KLHL20: variants seen among roughly 807,000 people sequenced by gnomAD.
KLHL20 encodes the protein kelch like family member 20.
Under a neutral mutation model 69.5 loss-of-function variants are expected in KLHL20, and 29 were observed. The observed-to-expected ratio is 0.42, with a 90% confidence interval of 0.31 to 0.57. The LOEUF is 0.57. Ranked by LOEUF, KLHL20 falls within the 20% of genes least tolerant of loss-of-function variation. The pLI is 0.18. For missense variants in KLHL20, 419 were observed against 776.0 expected (o/e 0.54, Z 5.47); for synonymous variants, 253 against 265.2 (o/e 0.95, Z 0.45).
rs753586088 is a variant in KLHL20 at position 173,716,007 on chromosome 1, G to A, written c.-37G>A. ...CCTGCTTTTCTGTTGTCTTAGGTTCGGCTTTAGAGTGTGGTGAAGGGTACT... is the reference window on the plus strand; with the variant it reads ...CCTGCTTTTCTGTTGTCTTAGGTTCAGCTTTAGAGTGTGGTGAAGGGTACT... On this transcript the variant is annotated 5_prime_UTR_variant, in exon 2 of 12. Coordinates refer to ENST00000209884, the MANE Select transcript of KLHL20 (RefSeq NM_014458.4). 2 of 1,606,464 alleles carry A rather than the reference G, an allele frequency of 1.2e-6. No homozygotes were observed. Among genetic ancestry groups the A allele is most frequent in the Non-Finnish European group, 1.7e-6 (2 of 1,175,550 alleles).
chr1:173,786,352 C>G lies in KLHL20; in HGVS notation c.*1105C>G, dbSNP rs923634543. Reference sequence around the variant, plus strand: ...ATAAGGTCATTGTTACTACTTCTCTCAAATTGCACTTTCTGGTAAAAAGTT... The same window carrying G: ...ATAAGGTCATTGTTACTACTTCTCTGAAATTGCACTTTCTGGTAAAAAGTT... On this transcript the variant is annotated 3_prime_UTR_variant, in exon 12 of 12. Coordinates refer to ENST00000209884, the MANE Select transcript of KLHL20 (RefSeq NM_014458.4). The G allele has an allele frequency of 1.3e-5, 2 of 152,600 alleles. No homozygotes were observed. The highest frequency in any genetic ancestry group is 2.4e-5 in the African/African-American group (1 of 41,444). The allele number at this position is 152,600 out of a possible 1,614,324, so 9.5% of individuals were successfully genotyped here.
chr1:173,748,515 T>C (rs1673168125), intron 3 of KLHL20, among the ~76,000 whole-genome samples: 1 of 152,176 alleles, frequency 6.6e-6, no homozygotes, highest in Admixed American at 6.5e-5. Flanking sequence ...TTGAAAATAA[T>C]CTAACTTCTT....
chr1:173,729,277 C>T (rs1171106591), intron 2 of KLHL20, among the ~76,000 whole-genome samples: 3 of 152,116 alleles, frequency 2.0e-5, no homozygotes, highest in Non-Finnish European at 2.9e-5. Context: ...GATTCACAGC[C>T]GAATTCTACC....
At chr1:173,732,871 AT>A (rs1308733596) in intron 2 of KLHL20, among the ~76,000 whole-genome samples, 1 of 152,206 alleles carries the variant, frequency 6.6e-6, no homozygotes, top group African/African-American at 2.4e-5. Context: ...TAGATATGAA[AT>A]TAGACCCAAA....
intron 9 of KLHL20, 152 bp downstream of exon 9, chr1:173,774,590 T>G: frequency 3.5e-5 from 25 of 711,614 alleles, no homozygotes; most frequent in Non-Finnish European, 3.9e-5. Context: ...CTCTCAGCTC[T>G]TCCTCAGCTC....
intron 10 of KLHL20, among the ~76,000 whole-genome samples, chr1:173,780,382 T>C (rs1423664812): frequency 6.6e-6 from 1 of 152,118 alleles, no homozygotes; most frequent in East Asian, 1.9e-4. Context: ...GCTTACTGCT[T>C]TGGGGAAGTA....
At chr1:173,728,038 A>C in intron 2 of KLHL20, among the ~76,000 whole-genome samples, 1 of 152,204 alleles carries the variant, frequency 6.6e-6, no homozygotes, top group Non-Finnish European at 1.5e-5. Context: ...TAGGTTCAAA[A>C]TAAAGGGATG....
At position 173,729,154 on chromosome 1, in the gene KLHL20, C is replaced by T. The variant is rs543984018; in HGVS notation, c.24-4559C>T. The stretch of plus-strand genomic sequence containing the variant: ...TGGATAAATTCCTGGACACATACAC[C>T]CTCCCTAGACTAAACCAGGAAGAAG... On this transcript the variant is annotated intron_variant, in intron 2 of 11. Coordinates refer to ENST00000209884, the MANE Select transcript of KLHL20 (RefSeq NM_014458.4). 1.4e-3 allele frequency among the ~76,000 whole-genome samples: 220 copies of T among 152,182 alleles called. 2 individuals are homozygous for T. The highest frequency in any genetic ancestry group is 5.0e-3 in the African/African-American group (209 of 41,516).
intron 3 of KLHL20, among the ~76,000 whole-genome samples, chr1:173,742,697 T>G (rs1672867559): frequency 6.6e-6 from 1 of 151,008 alleles, no homozygotes; most frequent in Non-Finnish European, 1.5e-5. Flanking sequence ...TATGTATATG[T>G]GTACATATAC....
intron 5 of KLHL20, among the ~76,000 whole-genome samples, chr1:173,754,042 T>G (rs1342137648): frequency 6.7e-6 from 1 of 149,944 alleles, no homozygotes; most frequent in Non-Finnish European, 1.5e-5. Flanking sequence ...CTTTGTAAAC[T>G]ACACTGACCT....
intron 2 of KLHL20, among the ~76,000 whole-genome samples, chr1:173,721,395 C>CTTCTT (rs1671707001): frequency 6.6e-6 from 1 of 152,188 alleles, no homozygotes; most frequent in Admixed American, 6.5e-5. Context: ...TTGCACATCT[C>CTTCTT]TTCTTTTCTT....
intron 3 of KLHL20, chr1:173,742,040 T>G (rs1672830363): frequency 4.5e-6 from 2 of 443,050 alleles, no homozygotes; most frequent in Non-Finnish European, 7.9e-6. Flanking sequence ...GTCAAGAGCT[T>G]CTGTTGGTCA....
At chr1:173,783,956 G>A (rs905800861) in intron 11 of KLHL20, among the ~76,000 whole-genome samples, 3 of 152,130 alleles carry the variant, frequency 2.0e-5, no homozygotes, top group African/African-American at 7.2e-5. Flanking sequence ...GCGCACGCCT[G>A]TAATCCCAGC....
rs547152518 is a variant in KLHL20, at chr1:173,783,670, C to T, written c.1745+1440C>T. Among the ~76,000 whole-genome samples the T allele has an allele frequency of 1.5e-4, 23 of 152,180 alleles. 2 individuals carry two copies. In the East Asian group the frequency reaches 3.1e-3, roughly 20 times the overall value. ...ATCACCTGAGGTCAGGAGTTCGAGA[C>T]CAGCCTGGCCAACATGATGAAACCT... is the stretch of plus-strand genomic sequence containing the variant. On this transcript the variant is annotated intron_variant, in intron 11 of 11. Transcript: ENST00000209884.
At chr1:173,773,127 AT>A (rs958893427) in intron 8 of KLHL20, among the ~76,000 whole-genome samples, 46 of 151,758 alleles carry the variant, frequency 3.0e-4, no homozygotes, top group Non-Finnish European at 5.9e-4. Context: ...TGCCTGGCTA[AT>A]TTTTTTTCCA....
chr1:173,735,957 T>TTA (rs1193217961), intron 3 of KLHL20, among the ~76,000 whole-genome samples: 2 of 148,436 alleles, frequency 1.3e-5, no homozygotes, highest in Non-Finnish European at 3.0e-5. Context: ...TTTTTTTTTT[T>TTA]TGAGATGGAG....
At chr1:173,743,349 C>T (rs1177660632) in intron 3 of KLHL20, among the ~76,000 whole-genome samples, 3 of 151,892 alleles carry the variant, frequency 2.0e-5, no homozygotes, top group East Asian at 1.9e-4. Context: ...TAACATTTTG[C>T]CTCATTTACC....
intron 2 of KLHL20, among the ~76,000 whole-genome samples, chr1:173,718,704 G>C (rs561774428): frequency 6.6e-6 from 1 of 152,062 alleles, no homozygotes; most frequent in South Asian, 2.1e-4. Context: ...CCGTGTAACA[G>C]AGAGAGACCC....
chr1:173,738,546 G>C (rs1672644447), intron 3 of KLHL20, among the ~76,000 whole-genome samples: 1 of 152,178 alleles, frequency 6.6e-6, no homozygotes, highest in Non-Finnish European at 1.5e-5. Context: ...TAGAAGTGGT[G>C]AAAGTGGGCA....
Sources: gnomAD v4.1 joint callset for allele counts (sites outside exome capture counted in the v4.1 genomes callset) on GRCh38, gnomAD v4.1.1 for gene constraint, MANE v1.5 for transcripts, NCBI Gene and HGNC (gene_info 2026-07-23, HGNC 2026-07-21) for gene names.